The following EPHA5 variants were observed in gnomAD, a reference collection of about 807,000 sequenced individuals.
EPHA5 encodes EPH receptor A5.
EPHA5 carries 60 observed loss-of-function variants against 105.0 expected under a neutral mutation model. The ratio of observed to expected loss-of-function variants is 0.57; its 90% CI spans 0.46 to 0.71. The LOEUF (loss-of-function observed/expected upper bound fraction) is 0.71. EPHA5 is among the 30% of genes least tolerant of loss of function. The pLI, the probability that EPHA5 is intolerant of heterozygous loss-of-function variation, is 0.00. For synonymous variants in EPHA5, 513 were observed against 449.1 expected, an observed-to-expected ratio of 1.14 and a Z score of -1.80; for missense variants, 1,218 against 1,274.7, an observed-to-expected ratio of 0.96 and a Z score of 0.68.
At chr4:65,663,617 A>T (rs1466722240) in intron 1 of EPHA5, among the ~76,000 whole-genome samples, 1 of 152,080 alleles carries the variant, frequency 6.6e-6, no homozygotes, top group Non-Finnish European at 1.5e-5. Flanking sequence ...TTAAGATGGT[A>T]ATGAAATAGT....
chr4:65,520,416 T>C (rs1734572713), intron 3 of EPHA5, among the ~76,000 whole-genome samples: 1 of 152,060 alleles, frequency 6.6e-6, no homozygotes, highest in South Asian at 2.1e-4. Flanking sequence ...ACTAAAACCA[T>C]AAAAACCCTA....
At chr4:65,365,283 T>C in intron 10 of EPHA5, 81 bp from the exon 11 acceptor site, 1 of 1,157,476 alleles carries the variant, frequency 8.6e-7, no homozygotes, top group South Asian at 1.4e-5. Flanking sequence ...CTTAGACTAC[T>C]AAGGCTTAGA....
At chr4:65,538,511 A>G (rs9999552) in intron 3 of EPHA5, among the ~76,000 whole-genome samples, 17,485 of 151,692 alleles carry the variant, frequency 0.12, 1,441 homozygotes, top group East Asian at 0.3. Flanking sequence ...CATCATCTAG[A>G]AGTCACCCCG....
chr4:65,449,224 A>T (rs1226708737), intron 5 of EPHA5, among the ~76,000 whole-genome samples: 2 of 152,192 alleles, frequency 1.3e-5, no homozygotes, highest in African/African-American at 2.4e-5. Flanking sequence ...CCAAAATTAT[A>T]TGAAAAGTTT....
intron 3 of EPHA5, among the ~76,000 whole-genome samples, chr4:65,547,864 G>A (rs1737534253): frequency 6.6e-6 from 1 of 152,016 alleles, no homozygotes; most frequent in Admixed American, 6.6e-5. Flanking sequence ...GATAAAGCCA[G>A]AAGGCAATCT....
chr4:65,644,010 C>T (rs1261161933), intron 1 of EPHA5, among the ~76,000 whole-genome samples: 1 of 152,048 alleles, frequency 6.6e-6, no homozygotes, highest in South Asian at 2.1e-4. Context: ...TGTAGCAGTT[C>T]TTGAGATAGT....
intron 3 of EPHA5, among the ~76,000 whole-genome samples, chr4:65,546,326 G>C (rs1737367133): frequency 6.6e-6 from 1 of 151,798 alleles, no homozygotes; most frequent in African/African-American, 2.4e-5. Context: ...TGTCTTCTCA[G>C]TAACATTTTC....
At chr4:65,480,591 G>C (rs774157831) in intron 5 of EPHA5, among the ~76,000 whole-genome samples, 1 of 152,132 alleles carries the variant, frequency 6.6e-6, no homozygotes, top group Non-Finnish European at 1.5e-5. Flanking sequence ...CTTTAGTTTT[G>C]AAGTTTGAGA....
In EPHA5 at chr4:65,322,599, C is replaced by T. The variant is rs1719723323; in HGVS notation, c.*1515G>A. ...TTCTAATACACTGCATAATTTGTATCACAAATATAAGTCTTCATCATGTGT... is the reference window on the plus strand; with the variant it reads ...TTCTAATACACTGCATAATTTGTATTACAAATATAAGTCTTCATCATGTGT... On this transcript the variant is annotated 3_prime_UTR_variant, in exon 17 of 17. Coordinates refer to ENST00000613740, the MANE Select transcript of EPHA5 (RefSeq NM_001281766.3). The T allele has an allele frequency of 4.5e-6, 1 of 224,014 alleles. No homozygotes were observed. Among genetic ancestry groups the T allele is most frequent in the East Asian group, 6.4e-5 (1 of 15,578 alleles). The allele number at this position is 224,014 out of a possible 1,614,324, so 13.9% of individuals were successfully genotyped here. A position where few individuals can be genotyped will look rare whatever the true frequency, so the allele number is the denominator to read the frequency against.
chr4:65,415,242 G>A (rs372997024), intron 6 of EPHA5, among the ~76,000 whole-genome samples: 1 of 151,986 alleles, frequency 6.6e-6, no homozygotes, highest in African/African-American at 2.4e-5. Flanking sequence ...CAAATATAAC[G>A]GGTCCATTTT....
At position 65,463,348 on chromosome 4, in the gene EPHA5, A is replaced by G. The variant is rs552338663; in HGVS notation, c.1402+27029T>C. The stretch of plus-strand genomic sequence containing the variant: ...ATTAGGCATGGAATTTGTGGTTTCT[A>G]TGATATCAGTGAAGTAAATCATTTT... On this transcript the variant is annotated intron_variant, in intron 5 of 16. Transcript: ENST00000613740. 3.3e-5 allele frequency among the ~76,000 whole-genome samples: 5 copies of G among 152,274 alleles called. 1 individual carries two copies. Among genetic ancestry groups the G allele is most frequent in the Middle Eastern group, 3.4e-3 (1 of 294 alleles).
At chr4:65,472,549 C>G (rs1252990935) in intron 5 of EPHA5, among the ~76,000 whole-genome samples, 1 of 152,200 alleles carries the variant, frequency 6.6e-6, no homozygotes, top group Non-Finnish European at 1.5e-5. Flanking sequence ...AACCTCAATT[C>G]TTGACTTCTG....
At chr4:65,394,738 A>G (rs1383590668) in intron 8 of EPHA5, among the ~76,000 whole-genome samples, 3 of 152,200 alleles carry the variant, frequency 2.0e-5, no homozygotes, top group Non-Finnish European at 4.4e-5. Flanking sequence ...GCTATAAATT[A>G]GATAAGATCT....
At chr4:65,520,610 A>C (rs1734598048) in intron 3 of EPHA5, among the ~76,000 whole-genome samples, 1 of 152,110 alleles carries the variant, frequency 6.6e-6, no homozygotes, top group Non-Finnish European at 1.5e-5. Context: ...ATGGGAGAAA[A>C]TTTTTGCAAT....
intron 8 of EPHA5, among the ~76,000 whole-genome samples, chr4:65,400,683 T>C (rs1280762503): frequency 6.6e-6 from 1 of 152,136 alleles, no homozygotes; most frequent in East Asian, 1.9e-4. Context: ...TTTAGAATTT[T>C]AAAAGTTAAC....
At chr4:65,607,740 T>G (rs369464547) in intron 2 of EPHA5, among the ~76,000 whole-genome samples, 1 of 152,164 alleles carries the variant, frequency 6.6e-6, no homozygotes, top group African/African-American at 2.4e-5. Flanking sequence ...GGTGGGAGTG[T>G]AAATTAGTTC....
Position 65,669,642 on chromosome 4 carries a change from G to T in EPHA5, c.101C>A (p.Ala34Glu), listed in dbSNP as rs1578745067. The T allele has an allele frequency of 7.1e-7, 1 of 1,398,730 alleles. No homozygotes were observed. The highest frequency in any genetic ancestry group is 2.8e-5 in the East Asian group (1 of 36,288). The allele number at this position is 1,398,730 out of a possible 1,614,324, so 86.6% of individuals were successfully genotyped here. The change falls in exon 1 of 17, where the codon GCA (alanine) becomes GAA (glutamate). Residue 34 changes from alanine to glutamate, a missense_variant. Physicochemically the swap from Ala to Glu is moderately radical, Grantham distance 107 (BLOSUM62 -1). Transcript: ENST00000613740. ...CGTCCAGAGGGGAGCCCGTCGAGGT[G>T]CAGAGTAGCAGCCGGCCAGGGACGC... ...TPASLAGCYS[A>E]PRRAPLWTCL...
intron 5 of EPHA5, among the ~76,000 whole-genome samples, chr4:65,482,326 C>T (rs1182192767): frequency 2.7e-5 from 4 of 150,544 alleles, no homozygotes; most frequent in African/African-American, 7.3e-5. Context: ...AAATAACCCA[C>T]TGATTAAATT....
intron 3 of EPHA5, among the ~76,000 whole-genome samples, chr4:65,599,193 G>A (rs962830804): frequency 2.0e-5 from 3 of 151,984 alleles, no homozygotes; most frequent in African/African-American, 7.2e-5. Context: ...TGATGGATTG[G>A]AACTGGATAG....
Sources: gnomAD v4.1 joint callset for allele counts (sites outside exome capture counted in the v4.1 genomes callset) on GRCh38, gnomAD v4.1.1 for gene constraint, MANE v1.5 for transcripts, NCBI Gene and HGNC (gene_info 2026-07-23, HGNC 2026-07-21) for gene names.